Variants in VAT1L observed in about 807,000 individuals in gnomAD.
VAT1L encodes vesicle amine transport 1 like.
Under a neutral mutation model 44.1 loss-of-function variants are expected in VAT1L, and 34 were observed. The ratio of observed to expected loss-of-function variants is 0.77; its 90% CI spans 0.59 to 1.03. The LOEUF is 1.03. Among genes scored for constraint, VAT1L ranks in the 50% least tolerant of loss-of-function variants. VAT1L has a pLI of 0.00. For synonymous variants in VAT1L, 253 were observed against 202.2 expected (o/e 1.25, Z -2.13); for missense variants, 615 against 538.8 (o/e 1.14, Z -1.40).
chr16:77,829,568 A>G (rs1331906997), intron 3 of VAT1L, among the ~76,000 whole-genome samples: 5 of 152,240 alleles, frequency 3.3e-5, no homozygotes, highest in Non-Finnish European at 7.3e-5. Flanking sequence ...TTCCTCTGAC[A>G]ATAGCATGAC....
intron 3 of VAT1L, among the ~76,000 whole-genome samples, chr16:77,853,146 T>C (rs2016823697): frequency 6.6e-6 from 1 of 152,190 alleles, no homozygotes. Context: ...GGAGCAGAGC[T>C]GTGACAGGCT....
At chr16:77,798,252 C>G (rs12149641) in intron 1 of VAT1L, among the ~76,000 whole-genome samples, 26,689 of 152,218 alleles carry the variant, frequency 0.18, 2,547 homozygotes, top group African/African-American at 0.24. Context: ...CTTTCTTAAC[C>G]TGGCACTAGC....
intron 8 of VAT1L, 59 bp downstream of exon 8, chr16:77,971,992 CAGATGCAGACA>C (rs2018283636): frequency 1.3e-6 from 2 of 1,512,644 alleles, no homozygotes; most frequent in African/African-American, 2.8e-5. Flanking sequence ...ACGGGTCAAT[CAGATGCAGACA>C]CGGGTGGGGT....
At chr16:77,893,746 C>T (rs1323949242) in intron 7 of VAT1L, among the ~76,000 whole-genome samples, 1 of 152,088 alleles carries the variant, frequency 6.6e-6, no homozygotes, top group Non-Finnish European at 1.5e-5. Flanking sequence ...AAATGAGGCT[C>T]TAGAGAGATT....
intron 3 of VAT1L, among the ~76,000 whole-genome samples, chr16:77,839,828 T>C (rs979407180): frequency 6.6e-6 from 1 of 152,170 alleles, no homozygotes; most frequent in Non-Finnish European, 1.5e-5. Flanking sequence ...CCTCATTGCA[T>C]GGAGGTGCTT....
chr16:77,975,172 C>G (rs1230210221), intron 8 of VAT1L, among the ~76,000 whole-genome samples: 1 of 121,948 alleles, frequency 8.2e-6, no homozygotes, highest in Non-Finnish European at 1.6e-5. Flanking sequence ...TGCAGAGGTG[C>G]TTTCTCCTAC....
Position 77,884,824 on chromosome 16 carries a change from T to G in VAT1L, c.1077+22T>G, listed in dbSNP as rs1449900827. 6.9e-7 allele frequency: 1 copy of G among 1,448,498 alleles called. No homozygotes were observed. The allele number at this position is 1,448,498 out of a possible 1,614,324, so 89.7% of individuals were successfully genotyped here. A position where few individuals can be genotyped will look rare whatever the true frequency, so the allele number is the denominator to read the frequency against. ...GGAGGTAAGAATGGTGCTTTTCTTC[T>G]GCAAATAAACTCCTCTTTTTAACTC... On this transcript the variant is annotated intron_variant, in intron 7 of 8. Coordinates refer to ENST00000302536, the MANE Select transcript of VAT1L (RefSeq NM_020927.3). This position sits in a 1 kb window ranked among gnomAD's most constrained non-coding sequence, Gnocchi z 4.5.
intron 7 of VAT1L, among the ~76,000 whole-genome samples, chr16:77,933,890 G>C (rs745662316): frequency 6.6e-6 from 1 of 152,210 alleles, no homozygotes; most frequent in Non-Finnish European, 1.5e-5. Context: ...TAATCTGGGA[G>C]AGGGAGGCAC....
intron 3 of VAT1L, among the ~76,000 whole-genome samples, chr16:77,845,899 C>G (rs1331504226): frequency 2.0e-5 from 3 of 152,188 alleles, no homozygotes; most frequent in Non-Finnish European, 4.4e-5. Flanking sequence ...GTCCATTCGT[C>G]CATCTGTCCG....
At chr16:77,875,458 G>C (rs150314453) in intron 4 of VAT1L, among the ~76,000 whole-genome samples, 17 of 152,300 alleles carry the variant, frequency 1.1e-4, no homozygotes, top group African/African-American at 3.6e-4. Context: ...TGTCTGAACA[G>C]AGCAGGGATC....
intron 7 of VAT1L, among the ~76,000 whole-genome samples, chr16:77,896,827 G>A (rs1259877057): frequency 1.3e-5 from 2 of 152,186 alleles, no homozygotes; most frequent in African/African-American, 4.8e-5. Context: ...GAAAATGCTC[G>A]TCCTTGCCTT....
chr16:77,803,868 G>A (rs1176303451), intron 1 of VAT1L, among the ~76,000 whole-genome samples: 4 of 152,196 alleles, frequency 2.6e-5, no homozygotes, highest in Non-Finnish European at 5.9e-5. Context: ...CTGTGGAGAG[G>A]TGAGATGGGG....
intron 5 of VAT1L, among the ~76,000 whole-genome samples, chr16:77,876,976 T>C (rs916565843): frequency 2.0e-5 from 3 of 151,928 alleles, no homozygotes; most frequent in Non-Finnish European, 2.9e-5. Flanking sequence ...ATGGAACACA[T>C]GTCTGTTCTT....
chr16:77,920,194 A>G lies in VAT1L; in HGVS notation c.1077+35392A>G, dbSNP rs150976309. On this transcript the variant is annotated intron_variant, in intron 7 of 8. Transcript: ENST00000302536. ...AGAGCTGCCAAGCATTCACCCATTC[A>G]AACAGGACCTAGTCAGTCCCTGGAA... Among the ~76,000 whole-genome samples, 1,036 of 152,344 alleles carry G rather than the reference A, an allele frequency of 6.8e-3. 7 individuals are homozygous for G. The highest frequency in any genetic ancestry group is 0.011 in the Non-Finnish European group (746 of 68,022).
chr16:77,873,814 ATAGGC>A (rs545938710), intron 4 of VAT1L, among the ~76,000 whole-genome samples: 4 of 152,274 alleles, frequency 2.6e-5, no homozygotes, highest in South Asian at 2.1e-4. Context: ...AGAGCAGGGG[ATAGGC>A]TGTCCAGGCA....
chr16:77,954,316 C>G (rs1425623920), intron 7 of VAT1L, among the ~76,000 whole-genome samples: 3 of 152,162 alleles, frequency 2.0e-5, no homozygotes, highest in Admixed American at 1.3e-4. Context: ...AAACTAGGCT[C>G]TATCCAGATA....
intron 3 of VAT1L, among the ~76,000 whole-genome samples, chr16:77,859,150 AC>A (rs2016890758): frequency 2.0e-5 from 3 of 151,516 alleles, no homozygotes; most frequent in Admixed American, 2.0e-4. Context: ...AAAAAAAAAA[AC>A]TATTTGGGTG....
At chr16:77,814,650 A>G (rs2016321328) in intron 1 of VAT1L, among the ~76,000 whole-genome samples, 1 of 152,246 alleles carries the variant, frequency 6.6e-6, no homozygotes, top group Admixed American at 6.5e-5. Context: ...TTTCATGAAA[A>G]GAAAAACACA....
chr16:77,937,006 T>C (rs1182773259), intron 7 of VAT1L, among the ~76,000 whole-genome samples: 1 of 152,158 alleles, frequency 6.6e-6, no homozygotes, highest in East Asian at 1.9e-4. Flanking sequence ...TGCCTCAGCC[T>C]CCCGAGTAGC....
Sources: allele counts gnomAD v4.1 joint callset (sites outside exome capture counted in the v4.1 genomes callset), GRCh38; gene constraint gnomAD v4.1.1; non-coding constraint Gnocchi (gnomAD v3.1); transcripts MANE v1.5; gene names NCBI Gene and HGNC (gene_info 2026-07-23, HGNC 2026-07-21).